Variants in DNAI7 observed in about 807,000 individuals in gnomAD.
The protein encoded by DNAI7 is cancer susceptibility 1.
In DNAI7, 78 loss-of-function variants were observed where a neutral mutation model predicts 86.6. The observed-to-expected ratio is 0.90, with a 90% confidence interval of 0.75 to 1.09. The LOEUF is 1.09. DNAI7 is among the 50% of genes least tolerant of loss of function. DNAI7 has a pLI of 0.00. For missense variants in DNAI7, 753 were observed against 810.2 expected, an observed-to-expected ratio of 0.93 and a Z score of 0.86; for synonymous variants, 274 against 273.0, an observed-to-expected ratio of 1.00 and a Z score of -0.04.
intron 9 of DNAI7, among the ~76,000 whole-genome samples, chr12:25,129,434 GAAC>G (rs1288196430): frequency 6.6e-6 from 1 of 152,150 alleles, no homozygotes; most frequent in Non-Finnish European, 1.5e-5. Flanking sequence ...AAGGAAATGA[GAAC>G]AACTCCCAGG....
intron 9 of DNAI7, 21 bp downstream of exon 9, chr12:25,144,344 G>A (rs773267742): frequency 6.4e-7 from 1 of 1,572,586 alleles, no homozygotes; most frequent in South Asian, 1.1e-5. Context: ...AAAAAAATGT[G>A]TATATTTAAA....
chr12:25,194,981 T>C (rs777067139), intron 1 of DNAI7, 95 bp downstream of exon 1: 2 of 1,614,140 alleles, frequency 1.2e-6, no homozygotes, highest in East Asian at 2.2e-5. Flanking sequence ...CGCTTCGCTG[T>C]AAAATATGAC....
At chr12:25,186,211 T>C (rs1004650335) in intron 2 of DNAI7, among the ~76,000 whole-genome samples, 1 of 152,184 alleles carries the variant, frequency 6.6e-6, no homozygotes, top group African/African-American at 2.4e-5. Context: ...ATCATAACCT[T>C]TTCTATAGTC....
At chr12:25,123,430 A>G (rs1941631125) in intron 9 of DNAI7, 144 bp from the exon 10 acceptor site, 2 of 467,216 alleles carry the variant, frequency 4.3e-6, no homozygotes, top group Non-Finnish European at 3.7e-6. Flanking sequence ...TCTACCATAA[A>G]ACTGGACTCA....
intron 2 of DNAI7, among the ~76,000 whole-genome samples, chr12:25,182,879 A>G (rs1334684880): frequency 6.6e-6 from 1 of 151,978 alleles, no homozygotes; most frequent in African/African-American, 2.4e-5. Flanking sequence ...AGCCAAGATC[A>G]TGCCACTGCA....
At chr12:25,123,162 A>T in intron 10 of DNAI7, 49 bp downstream of exon 10, 1 of 1,223,740 alleles carries the variant, frequency 8.2e-7, no homozygotes. Flanking sequence ...TTCTTCTGTA[A>T]GAAGAAAATC....
intron 9 of DNAI7, among the ~76,000 whole-genome samples, chr12:25,128,001 A>G (rs538136677): frequency 5.9e-5 from 9 of 152,364 alleles, no homozygotes; most frequent in African/African-American, 2.2e-4. Flanking sequence ...CCAGATGGAT[A>G]TAAGATTTAA....
chr12:25,193,968 C>T (rs1352528697), intron 1 of DNAI7, among the ~76,000 whole-genome samples: 1 of 152,058 alleles, frequency 6.6e-6, no homozygotes, highest in African/African-American at 2.4e-5. Context: ...ATTACAGGTG[C>T]GCGCCAACAC....
intron 8 of DNAI7, among the ~76,000 whole-genome samples, chr12:25,145,443 C>G (rs990512231): frequency 6.6e-6 from 1 of 152,110 alleles, no homozygotes; most frequent in Non-Finnish European, 1.5e-5. Flanking sequence ...TCTTCTTAAA[C>G]CTGGGTAGTG....
intron 9 of DNAI7, among the ~76,000 whole-genome samples, chr12:25,129,088 C>G (rs948769192): frequency 6.6e-6 from 1 of 152,170 alleles, no homozygotes; most frequent in African/African-American, 2.4e-5. Context: ...TGTTTTATGA[C>G]TTCTGCAATA....
chr12:25,116,994 C>T (rs1189300258), intron 12 of DNAI7, among the ~76,000 whole-genome samples: 1 of 152,066 alleles, frequency 6.6e-6, no homozygotes, highest in African/African-American at 2.4e-5. Context: ...AGTGCTGGGG[C>T]ATGATCACAG....
In DNAI7 at chr12:25,126,561, C is replaced by T. The variant is rs140744643; in HGVS notation, c.1003-3275G>A. On this transcript the variant is annotated intron_variant, in intron 9 of 15. Coordinates refer to ENST00000395987, the MANE Select transcript of DNAI7 (RefSeq NM_018272.5). ...ATATAAAAGTAAAGCAAGGGAGAGGCTACGGCTGATGTTCAGGTGTTGGAT... is the reference window on the plus strand; with the variant it reads ...ATATAAAAGTAAAGCAAGGGAGAGGTTACGGCTGATGTTCAGGTGTTGGAT... 4.1e-3 allele frequency among the ~76,000 whole-genome samples: 628 copies of T among 151,982 alleles called. 1 individual carries two copies. Among genetic ancestry groups the T allele is most frequent in the African/African-American group, 0.014 (587 of 41,438 alleles).
intron 2 of DNAI7, among the ~76,000 whole-genome samples, chr12:25,162,754 T>C (rs1946975577): frequency 6.6e-6 from 1 of 152,202 alleles, no homozygotes; most frequent in Admixed American, 6.5e-5. Flanking sequence ...CTAACTTATA[T>C]ACCTCCACTT....
At chr12:25,190,591 AT>A (rs1392234704) in intron 2 of DNAI7, 22 bp downstream of exon 2, 1 of 1,217,464 alleles carries the variant, frequency 8.2e-7, no homozygotes, top group Non-Finnish European at 1.2e-6. Context: ...ACAACTATCT[AT>A]TTTGAAAAAA....
chr12:25,166,547 C>T (rs1947489658), intron 2 of DNAI7, among the ~76,000 whole-genome samples: 1 of 152,158 alleles, frequency 6.6e-6, no homozygotes, highest in Non-Finnish European at 1.5e-5. Flanking sequence ...TCAGTCAAGC[C>T]CAAATTTCTT....
intron 2 of DNAI7, among the ~76,000 whole-genome samples, chr12:25,172,379 G>C (rs983670897): frequency 7.2e-5 from 11 of 151,952 alleles, no homozygotes; most frequent in Non-Finnish European, 1.2e-4. Context: ...AAAATACTTA[G>C]GAATATACCT....
At chr12:25,166,199 C>A (rs1947444317) in intron 2 of DNAI7, among the ~76,000 whole-genome samples, 1 of 152,174 alleles carries the variant, frequency 6.6e-6, no homozygotes, top group Admixed American at 6.5e-5. Context: ...TACAGCATGG[C>A]CTTTTAAAGC....
At chr12:25,160,975 A>G in intron 3 of DNAI7, 138 bp downstream of exon 3, 1 of 590,518 alleles carries the variant, frequency 1.7e-6, no homozygotes, top group South Asian at 2.2e-5. Context: ...GATACTTTCT[A>G]AAAGATAGAT....
chr12:25,180,951 C>T (rs924055348), intron 2 of DNAI7, among the ~76,000 whole-genome samples: 3 of 152,008 alleles, frequency 2.0e-5, no homozygotes, highest in East Asian at 3.9e-4. Context: ...GGATTACAGG[C>T]GCCTGCCACC....
Sources: allele counts gnomAD v4.1 joint callset (sites outside exome capture counted in the v4.1 genomes callset), GRCh38; gene constraint gnomAD v4.1.1; transcripts MANE v1.5; gene names NCBI Gene and HGNC (gene_info 2026-07-23, HGNC 2026-07-21).